Variants in PCDHA9 observed in about 807,000 individuals in gnomAD.
PCDHA9 encodes protocadherin alpha 9.
Under a neutral mutation model 62.0 loss-of-function variants are expected in PCDHA9, and 62 were observed. That is an observed-to-expected ratio of 1.00 (90% CI 0.81 to 1.23). PCDHA9 has a LOEUF of 1.23. Among genes scored for constraint, PCDHA9 ranks in the 50% most tolerant of loss-of-function variants. The pLI is 0.00. For missense variants in PCDHA9, 1,205 were observed against 1,249.8 expected, an observed-to-expected ratio of 0.96 and a Z score of 0.54; for synonymous variants, 557 against 567.6, an observed-to-expected ratio of 0.98 and a Z score of 0.27.
In PCDHA9 at chr5:140,850,791, A is replaced by G; in HGVS notation, c.2296A>G (p.Lys766Glu). 2 of 1,598,378 alleles carry G rather than the reference A, an allele frequency of 1.3e-6. No individual in the cohort carries two copies. Among genetic ancestry groups the G allele is most frequent in the African/African-American group, 2.7e-5 (2 of 74,404 alleles). ...QRVCSGEGKQ[K>E]TDLMAFSPGL... ...GGTGTGCTCTGGCGAGGGTAAGCAG[A>G]AGACCGACCTCATGGCCTTCAGCCC... is the stretch of plus-strand genomic sequence containing the variant. Residue 766 changes from lysine to glutamate, a missense_variant, in exon 1 of 4, where the codon AAG (lysine) becomes GAG (glutamate). This residue lies in a region of PCDHA9 where 887 missense variants were observed against 809.5 expected (regional missense o/e 1.10). Coordinates refer to ENST00000532602, the MANE Select transcript of PCDHA9 (RefSeq NM_031857.2).
chr5:140,883,686 A>G (rs1380292802), intron 1 of PCDHA9: 1 of 1,613,664 alleles, frequency 6.2e-7, no homozygotes, highest in East Asian at 2.2e-5. Flanking sequence ...CCGGGCTGCC[A>G]CATCTTCACG....
chr5:140,852,859 C>T, intron 1 of PCDHA9: 1 of 960,834 alleles, frequency 1.0e-6, no homozygotes. Context: ...TAAGCATTTA[C>T]TATGTCATCA....
In PCDHA9 at chr5:140,853,855, T is replaced by C. The variant is rs1179807632; in HGVS notation, c.2394+2966T>C. On this transcript the variant is annotated intron_variant, in intron 1 of 3. Transcript: ENST00000532602. The stretch of plus-strand genomic sequence containing the variant: ...GAAATTTTAGATCCATAGCCCTATT[T>C]GATACTTGACAGTGCAAGTTTCTGT... 3.0e-6 allele frequency: 3 copies of C among 985,756 alleles called. No homozygotes were observed. In the African/African-American group the frequency reaches 5.3e-5, roughly 17 times the overall value. 61.1% of individuals were successfully genotyped at this position (985,756 alleles called of 1,614,324 possible). A position where few individuals can be genotyped will look rare whatever the true frequency, so the allele number is the denominator to read the frequency against.
At chr5:140,917,117 C>A (rs1318149439) in intron 1 of PCDHA9, among the ~76,000 whole-genome samples, 1 of 152,018 alleles carries the variant, frequency 6.6e-6, no homozygotes, top group Non-Finnish European at 1.5e-5. Flanking sequence ...CCTCCAAGTG[C>A]GCAGACTCCC....
chr5:140,854,158 T>C, intron 1 of PCDHA9: 3 of 123,422 alleles, frequency 2.4e-5, no homozygotes, highest in Non-Finnish European at 3.1e-5. Flanking sequence ...AGATTCTGTC[T>C]CAAAAAAAAA....
intron 1 of PCDHA9, among the ~76,000 whole-genome samples, chr5:140,909,492 C>T (rs955748526): frequency 4.6e-5 from 7 of 152,160 alleles, no homozygotes; most frequent in East Asian, 3.9e-4. Context: ...GAGAGCTGAA[C>T]GGGGATGTGG....
intron 1 of PCDHA9, chr5:140,851,364 T>A (rs1293968731): frequency 6.1e-6 from 6 of 975,758 alleles, no homozygotes; most frequent in African/African-American, 1.8e-5. Flanking sequence ...ACTGTGAACA[T>A]CTGATTGTTC....
intron 1 of PCDHA9, chr5:140,869,090 C>T: frequency 6.3e-7 from 1 of 1,589,674 alleles, no homozygotes; most frequent in Non-Finnish European, 8.6e-7. Context: ...TTTTGGAAGC[C>T]AATTTCGTAT....
At chr5:140,906,323 A>C (rs1487570044) in intron 1 of PCDHA9, among the ~76,000 whole-genome samples, 1 of 152,212 alleles carries the variant, frequency 6.6e-6, no homozygotes, top group Admixed American at 6.5e-5. Flanking sequence ...AACATGATAC[A>C]ACTATCCTTC....
intron 1 of PCDHA9, chr5:140,877,084 C>G: frequency 6.2e-7 from 1 of 1,613,176 alleles, no homozygotes; most frequent in Non-Finnish European, 8.5e-7. Flanking sequence ...GGTGAGCGCG[C>G]GCGACGCCGG....
chr5:141,008,470 C>T (rs2098378498), intron 3 of PCDHA9, among the ~76,000 whole-genome samples: 1 of 152,156 alleles, frequency 6.6e-6, no homozygotes, highest in Non-Finnish European at 1.5e-5. Context: ...GCTCTGACTT[C>T]TACTCTTCTA....
chr5:140,979,020 C>T lies in PCDHA9; in HGVS notation c.2453+13C>T. The T allele has an allele frequency of 6.2e-7, 1 of 1,613,708 alleles. No individual in the cohort carries two copies. Among genetic ancestry groups the T allele is most frequent in the Non-Finnish European group, 8.5e-7 (1 of 1,179,840 alleles). On this transcript the variant is annotated intron_variant, in intron 2 of 3. Transcript: ENST00000532602. ...CAGGCATGCACAGGTATGTATTTCC[C>T]TCCTCATTCACTCAGAAGTAACCTT...
intron 1 of PCDHA9, chr5:140,858,165 C>T: frequency 6.3e-7 from 1 of 1,597,786 alleles, no homozygotes; most frequent in Non-Finnish European, 8.6e-7. Context: ...TGCGCGGTGT[C>T]CAGCTTGCTG....
intron 1 of PCDHA9, among the ~76,000 whole-genome samples, chr5:140,880,921 T>C (rs187033233): frequency 6.6e-6 from 1 of 152,272 alleles, no homozygotes; most frequent in East Asian, 1.9e-4. Context: ...AGAAATACTA[T>C]GTTAGTAAAA....
At chr5:140,872,920 T>C (rs2153277088) in intron 1 of PCDHA9, among the ~76,000 whole-genome samples, 1 of 152,356 alleles carries the variant, frequency 6.6e-6, no homozygotes, top group South Asian at 2.1e-4. Flanking sequence ...TAATGCCTTA[T>C]CTCTAATGTT....
chr5:140,981,861 A>G (rs1554243465), intron 2 of PCDHA9, among the ~76,000 whole-genome samples: 1 of 152,126 alleles, frequency 6.6e-6, no homozygotes, highest in Non-Finnish European at 1.5e-5. Context: ...ACTCCCAGCA[A>G]TGTTTTATGC....
intron 1 of PCDHA9, among the ~76,000 whole-genome samples, chr5:140,918,586 G>A (rs2078766446): frequency 6.6e-6 from 1 of 152,188 alleles, no homozygotes; most frequent in South Asian, 2.1e-4. Context: ...TTGGCTATAT[G>A]TTCTATAGAT....
chr5:140,966,280 G>C (rs782249047), intron 1 of PCDHA9: 3 of 365,660 alleles, frequency 8.2e-6, no homozygotes, highest in African/African-American at 4.2e-5. Flanking sequence ...CTGGACAGTG[G>C]GGGTAGGGAG....
chr5:140,862,306 C>G (rs184682479), intron 1 of PCDHA9: 1 of 279,556 alleles, frequency 3.6e-6, no homozygotes, highest in East Asian at 8.6e-5. Context: ...CACTGGGTAC[C>G]GTCATAGCCC....
Sources: allele counts gnomAD v4.1 joint callset (sites outside exome capture counted in the v4.1 genomes callset), GRCh38; gene constraint gnomAD v4.1.1; regional missense constraint gnomAD v4.1.1; transcripts MANE v1.5; gene names NCBI Gene and HGNC (gene_info 2026-07-23, HGNC 2026-07-21).